Variants in TRPM6 observed in about 807,000 individuals in gnomAD.
TRPM6 encodes channel kinase 2.
Under a neutral mutation model 247.6 loss-of-function variants are expected in TRPM6, and 111 were observed. The ratio of observed to expected loss-of-function variants is 0.45; its 90% CI spans 0.38 to 0.52. TRPM6 has a LOEUF of 0.52. TRPM6 is among the 20% of genes least tolerant of loss of function. The probability of loss-of-function intolerance (pLI) is 0.00; values close to 1 mark genes in which losing one functional copy is unlikely to be tolerated. For synonymous variants in TRPM6, 892 were observed against 853.8 expected, an observed-to-expected ratio of 1.04 and a Z score of -0.78; for missense variants, 2,126 against 2,421.5, an observed-to-expected ratio of 0.88 and a Z score of 2.56.
chr9:74,766,464 C>A (rs145332729), intron 25 of TRPM6, among the ~76,000 whole-genome samples: 1 of 152,146 alleles, frequency 6.6e-6, no homozygotes, highest in Non-Finnish European at 1.5e-5. Context: ...AATGAGATAA[C>A]GGCAAGTATA....
At chr9:74,815,979 T>C (rs543334854) in intron 11 of TRPM6, among the ~76,000 whole-genome samples, 1 of 152,348 alleles carries the variant, frequency 6.6e-6, no homozygotes, top group African/African-American at 2.4e-5. Context: ...TAATTTCTAA[T>C]GTGAGCACCT....
intron 17 of TRPM6, among the ~76,000 whole-genome samples, chr9:74,798,294 T>C (rs763658988): frequency 1.3e-5 from 2 of 152,008 alleles, no homozygotes; most frequent in African/African-American, 2.4e-5. Context: ...TGAAATTATC[T>C]TTTGTCACCC....
chr9:74,820,180 G>T (rs1325510312), intron 9 of TRPM6, 124 bp downstream of exon 9: 3 of 1,071,286 alleles, frequency 2.8e-6, no homozygotes, highest in Admixed American at 3.9e-5. Context: ...ACCCTGACAG[G>T]CCCCTGTATG....
chr9:74,807,620 T>C (rs1828572506), intron 14 of TRPM6, among the ~76,000 whole-genome samples: 2 of 152,200 alleles, frequency 1.3e-5, no homozygotes, highest in African/African-American at 4.8e-5. Context: ...CCAAGTTTGT[T>C]ATCTCCAGAC....
At chr9:74,882,703 G>T (rs987088900) in intron 1 of TRPM6, among the ~76,000 whole-genome samples, 1 of 152,166 alleles carries the variant, frequency 6.6e-6, no homozygotes, top group Non-Finnish European at 1.5e-5. Flanking sequence ...CAGTAATGGA[G>T]GTTCCTCCAA....
intron 36 of TRPM6, among the ~76,000 whole-genome samples, chr9:74,734,831 C>T (rs1825639245): frequency 6.6e-6 from 1 of 151,938 alleles, no homozygotes; most frequent in South Asian, 2.1e-4. Flanking sequence ...AACTTTATAC[C>T]CCTAAACCCA....
At chr9:74,882,427 A>G (rs773406394) in intron 1 of TRPM6, among the ~76,000 whole-genome samples, 3 of 152,202 alleles carry the variant, frequency 2.0e-5, no homozygotes, top group Non-Finnish European at 4.4e-5. Context: ...AAAACAAATA[A>G]GCCCACTGAA....
rs575700760 is a variant in TRPM6, at chr9:74,783,934, T to C, written c.2920-1081A>G. On this transcript the variant is annotated intron_variant, in intron 21 of 38. Transcript: ENST00000360774. ...TTGAGACACTGTACTTATTAAAGCGTAGGTCTTAGGTCCTTGTGAACAGCC... is the reference window on the plus strand; with the variant it reads ...TTGAGACACTGTACTTATTAAAGCGCAGGTCTTAGGTCCTTGTGAACAGCC... Among the ~76,000 whole-genome samples, 25 of 152,218 alleles carry C rather than the reference T, an allele frequency of 1.6e-4. 1 individual carries two copies. In the South Asian group the frequency reaches 5.0e-3, roughly 30 times the overall value.
intron 19 of TRPM6, 44 bp from the exon 20 acceptor site, chr9:74,788,786 C>T (rs1369111559): frequency 1.9e-6 from 3 of 1,608,652 alleles, no homozygotes; most frequent in East Asian, 2.2e-5. Flanking sequence ...TGAGAGCAAG[C>T]ATGGAGCATG....
At position 74,802,192 on chromosome 9, in the gene TRPM6, T is replaced by C. The variant is rs1035901242; in HGVS notation, c.1732-17A>G. ...AGACTTTTCCTGTTGGAAAATAAAA[T>C]AGGAATGAGTTTTCAAATACTCAGA... On this transcript the variant is annotated splice_polypyrimidine_tract_variant and intron_variant, in intron 15 of 38. Transcript: ENST00000360774. 2.7e-5 allele frequency: 43 copies of C among 1,610,478 alleles called. No individual in the cohort carries two copies. Among genetic ancestry groups the C allele is most frequent in the Non-Finnish European group, 3.3e-5 (39 of 1,176,978 alleles).
chr9:74,747,262 AG>A (rs759593727), intron 31 of TRPM6, among the ~76,000 whole-genome samples: 28 of 152,350 alleles, frequency 1.8e-4, no homozygotes, highest in Non-Finnish European at 2.9e-4. Flanking sequence ...TCCTTTGTAT[AG>A]AAACAACCTA....
chr9:74,827,678 G>C, intron 7 of TRPM6, 100 bp downstream of exon 7: 1 of 1,274,984 alleles, frequency 7.8e-7, no homozygotes, highest in Non-Finnish European at 1.1e-6. Context: ...AGGCTAGCTT[G>C]AGGGGACTAG....
intron 28 of TRPM6, 112 bp downstream of exon 28, chr9:74,755,241 T>C (rs1277724514): frequency 1.7e-6 from 2 of 1,179,016 alleles, no homozygotes; most frequent in Admixed American, 3.4e-5. Context: ...CCATCTTCTC[T>C]TTCCCTCATC....
intron 31 of TRPM6, among the ~76,000 whole-genome samples, chr9:74,747,336 C>G (rs886929688): frequency 1.3e-5 from 2 of 152,122 alleles, no homozygotes; most frequent in African/African-American, 4.8e-5. Flanking sequence ...TACTGGAAAC[C>G]CAAGAAAGTG....
intron 1 of TRPM6, among the ~76,000 whole-genome samples, chr9:74,864,054 T>C (rs1304618549): frequency 6.6e-6 from 1 of 152,182 alleles, no homozygotes; most frequent in Non-Finnish European, 1.5e-5. Context: ...CCGATTTTGA[T>C]TTCCTGCATT....
At chr9:74,816,837 G>A in intron 10 of TRPM6, 55 bp downstream of exon 10, 13 of 1,608,526 alleles carry the variant, frequency 8.1e-6, no homozygotes, top group African/African-American at 1.3e-5. Context: ...ACAAAGTACT[G>A]TGGAACATGA....
At chr9:74,842,460 A>C in intron 3 of TRPM6, 117 bp from the exon 4 acceptor site, 5 of 1,059,012 alleles carry the variant, frequency 4.7e-6, no homozygotes, top group Non-Finnish European at 7.1e-6. Context: ...ACTTCACATT[A>C]AGGTTTATAT....
chr9:74,862,832 A>C (rs1821549374), intron 1 of TRPM6, among the ~76,000 whole-genome samples: 1 of 151,852 alleles, frequency 6.6e-6, no homozygotes, highest in Non-Finnish European at 1.5e-5. Context: ...AGATACAAAA[A>C]TTAGCTGACG....
At chr9:74,825,229 T>G (rs561336308) in intron 7 of TRPM6, among the ~76,000 whole-genome samples, 2 of 152,186 alleles carry the variant, frequency 1.3e-5, no homozygotes, top group African/African-American at 4.8e-5. Context: ...GCCATTGCAC[T>G]CCAGCCTGGG....
Sources: gnomAD v4.1 joint callset for allele counts (sites outside exome capture counted in the v4.1 genomes callset) on GRCh38, gnomAD v4.1.1 for gene constraint, MANE v1.5 for transcripts, NCBI Gene and HGNC (gene_info 2026-07-23, HGNC 2026-07-21) for gene names.